THSD7B: variants seen among roughly 807,000 people sequenced by gnomAD.
THSD7B encodes the protein thrombospondin type 1 domain containing 7B.
THSD7B carries 138 observed loss-of-function variants against 213.6 expected under a neutral mutation model. That is an observed-to-expected ratio of 0.65 (90% CI 0.56 to 0.74). The LOEUF (loss-of-function observed/expected upper bound fraction) is 0.74, where lower values mean the gene tolerates loss of function less well. THSD7B is among the 30% of genes least tolerant of loss of function. THSD7B has a pLI of 0.00. For missense variants in THSD7B, 1,931 were observed against 1,991.5 expected (o/e 0.97, Z 0.58); for synonymous variants, 742 against 687.0 (o/e 1.08, Z -1.25).
chr2:137,508,129 T>C (rs533839266), intron 15 of THSD7B, among the ~76,000 whole-genome samples: 3 of 152,314 alleles, frequency 2.0e-5, no homozygotes, highest in African/African-American at 7.2e-5. Flanking sequence ...CCTTAAAGTG[T>C]TACTTGAAAA....
At chr2:136,997,815 A>G (rs1685922645) in intron 2 of THSD7B, among the ~76,000 whole-genome samples, 1 of 152,036 alleles carries the variant, frequency 6.6e-6, no homozygotes, top group Non-Finnish European at 1.5e-5. Flanking sequence ...GACCTTCTGG[A>G]TGTACAGAAG....
At chr2:137,038,069 G>T (rs554077635) in intron 2 of THSD7B, among the ~76,000 whole-genome samples, 15 of 152,216 alleles carry the variant, frequency 9.9e-5, no homozygotes, top group Non-Finnish European at 1.9e-4. Flanking sequence ...ACATAGGATA[G>T]AACTCTAATC....
intron 7 of THSD7B, among the ~76,000 whole-genome samples, chr2:137,223,731 T>G (rs1440832184): frequency 6.6e-6 from 1 of 152,162 alleles, no homozygotes; most frequent in Non-Finnish European, 1.5e-5. Flanking sequence ...ACTGATGTGG[T>G]TTGAATTTGT....
chr2:136,818,770 A>C (rs1682524756), intron 1 of THSD7B, among the ~76,000 whole-genome samples: 1 of 151,972 alleles, frequency 6.6e-6, no homozygotes, highest in Admixed American at 6.6e-5. Flanking sequence ...CTGATTCCTC[A>C]TTTCTAATTT....
intron 2 of THSD7B, among the ~76,000 whole-genome samples, chr2:137,025,239 A>C (rs1280718908): frequency 6.6e-6 from 1 of 152,138 alleles, no homozygotes; most frequent in South Asian, 2.1e-4. Flanking sequence ...AAAGCATAAA[A>C]TTGGTCTATA....
intron 2 of THSD7B, among the ~76,000 whole-genome samples, chr2:136,935,614 A>G (rs1259081193): frequency 6.6e-6 from 1 of 152,080 alleles, no homozygotes; most frequent in Admixed American, 6.6e-5. Flanking sequence ...ATTAAAAGAC[A>G]TTAGTATATT....
At chr2:136,980,665 G>T (rs1473329934) in intron 2 of THSD7B, among the ~76,000 whole-genome samples, 1 of 152,160 alleles carries the variant, frequency 6.6e-6, no homozygotes, top group East Asian at 1.9e-4. Context: ...GTCATCTGAG[G>T]CAGTCTCCAG....
At chr2:137,666,041 G>A (rs562085255) in intron 26 of THSD7B, among the ~76,000 whole-genome samples, 7 of 152,208 alleles carry the variant, frequency 4.6e-5, no homozygotes, top group Admixed American at 6.5e-5. Flanking sequence ...GGAATTGAGA[G>A]GTTGGTGGGA....
intron 2 of THSD7B, among the ~76,000 whole-genome samples, chr2:136,959,035 T>C (rs891467547): frequency 1.8e-4 from 28 of 152,102 alleles, no homozygotes; most frequent in African/African-American, 6.5e-4. Context: ...TCAGATTCTC[T>C]CCAAGCAGGG....
intron 4 of THSD7B, among the ~76,000 whole-genome samples, chr2:137,095,614 C>T (rs982185775): frequency 3.3e-5 from 5 of 152,106 alleles, no homozygotes; most frequent in South Asian, 2.1e-4. Context: ...ATCTTACTGC[C>T]GCTATGTGGT....
intron 3 of THSD7B, among the ~76,000 whole-genome samples, chr2:137,093,458 T>G (rs945382278): frequency 1.3e-5 from 2 of 152,224 alleles, no homozygotes; most frequent in Non-Finnish European, 1.5e-5. Context: ...TCAAGTGGTT[T>G]GCAAATTCCT....
At chr2:136,863,499 G>A (rs1192819700) in intron 1 of THSD7B, among the ~76,000 whole-genome samples, 1 of 152,162 alleles carries the variant, frequency 6.6e-6, no homozygotes, top group Non-Finnish European at 1.5e-5. Context: ...CCCGGAACAC[G>A]CCTGATCTCA....
intron 1 of THSD7B, among the ~76,000 whole-genome samples, chr2:136,772,152 C>T (rs1004364917): frequency 1.3e-5 from 2 of 151,964 alleles, no homozygotes; most frequent in Non-Finnish European, 2.9e-5. Context: ...GACTGCAAGG[C>T]CTATTCTGCT....
intron 12 of THSD7B, among the ~76,000 whole-genome samples, chr2:137,307,030 T>A (rs796919043): frequency 3.3e-5 from 5 of 152,332 alleles, no homozygotes; most frequent in African/African-American, 1.2e-4. Flanking sequence ...AATAAGCTGT[T>A]GGCTTTCCAC....
Position 136,941,678 on chromosome 2 carries a change from C to A in THSD7B, c.139+59361C>A, listed in dbSNP as rs575787311. Reference sequence around the variant, plus strand: ...TCTTTTGAGAAGTGTCTGTTCATATCCTTTGCCCACTTTTTGATTTTTTTT... The same window carrying A: ...TCTTTTGAGAAGTGTCTGTTCATATACTTTGCCCACTTTTTGATTTTTTTT... On this transcript the variant is annotated intron_variant, in intron 2 of 27. Coordinates refer to ENST00000409968, the MANE Select transcript of THSD7B (RefSeq NM_001316349.2). 6.4e-4 allele frequency among the ~76,000 whole-genome samples: 97 copies of A among 152,206 alleles called. 1 individual carries two copies. The highest frequency in any genetic ancestry group is 2.2e-3 in the African/African-American group (91 of 41,544).
chr2:137,313,145 T>G (rs1435479302), intron 12 of THSD7B, among the ~76,000 whole-genome samples: 1 of 152,158 alleles, frequency 6.6e-6, no homozygotes, highest in Non-Finnish European at 1.5e-5. Context: ...GGAGACTAAG[T>G]CTCTTTGTAG....
At chr2:137,582,630 G>T (rs1681607095) in intron 17 of THSD7B, among the ~76,000 whole-genome samples, 1 of 151,950 alleles carries the variant, frequency 6.6e-6, no homozygotes. Context: ...GAGGATGATG[G>T]TTTCCAGCTT....
At chr2:137,292,908 C>T (rs747527324) in intron 12 of THSD7B, among the ~76,000 whole-genome samples, 3 of 152,066 alleles carry the variant, frequency 2.0e-5, no homozygotes, top group Non-Finnish European at 2.9e-5. Context: ...TTAATACTCC[C>T]TATCTTTACC....
At chr2:137,011,047 T>C (rs1686221300) in intron 2 of THSD7B, among the ~76,000 whole-genome samples, 1 of 152,220 alleles carries the variant, frequency 6.6e-6, no homozygotes, top group Non-Finnish European at 1.5e-5. Flanking sequence ...GAACTTGTTC[T>C]TTGATTTATC....
Sources: gnomAD v4.1 joint callset for allele counts (sites outside exome capture counted in the v4.1 genomes callset) on GRCh38, gnomAD v4.1.1 for gene constraint, MANE v1.5 for transcripts, NCBI Gene and HGNC (gene_info 2026-07-23, HGNC 2026-07-21) for gene names.